Variants in POLE4 observed in about 807,000 individuals in gnomAD.
The protein encoded by POLE4 is DNA polymerase epsilon subunit 4.
POLE4 carries 15 observed loss-of-function variants against 15.6 expected under a neutral mutation model. The observed-to-expected ratio is 0.96, with a 90% CI of 0.64 to 1.48. The LOEUF (loss-of-function observed/expected upper bound fraction) is 1.48. Among genes scored for constraint, POLE4 ranks in the 40% most tolerant of loss-of-function variants. The pLI is 0.00. For synonymous variants in POLE4, 83 were observed against 63.2 expected (o/e 1.31, Z -1.49); for missense variants, 205 against 151.9 (o/e 1.35, Z -1.84).
chr2:74,959,701 C>T (rs1359122194), intron 2 of POLE4: 3 of 421,530 alleles, frequency 7.1e-6, no homozygotes, highest in Non-Finnish European at 1.3e-5. Context: ...TTCTTTTTCA[C>T]CTAGCAACTG....
chr2:74,959,258 T>G, intron 1 of POLE4, 83 bp from the exon 2 acceptor site: 1 of 829,846 alleles, frequency 1.2e-6, no homozygotes, highest in Admixed American at 2.2e-5. Flanking sequence ...CTTCTCCCTT[T>G]CTGCCCCCAC....
In POLE4 at chr2:74,965,027, CT is replaced by C. The variant is rs890484470; in HGVS notation, c.341-4373del. Among the ~76,000 whole-genome samples the C allele has an allele frequency of 1.4e-3, 200 of 147,358 alleles. 1 individual carries two copies. The highest frequency in any genetic ancestry group is 4.7e-3 in the African/African-American group (188 of 40,168). ...ATCCCTGTTTATAAAAGAGATTAGTCTTTTTTTTTCATACTGTGTGTGAGCT... is the reference window on the plus strand; with the variant it reads ...ATCCCTGTTTATAAAAGAGATTAGTCTTTTTTTTCATACTGTGTGTGAGCT... On this transcript the variant is annotated intron_variant, in intron 3 of 3. Coordinates refer to ENST00000483063, the MANE Select transcript of POLE4 (RefSeq NM_019896.4).
At position 74,965,894 on chromosome 2, in the gene POLE4, C is replaced by T. The variant is rs577817883; in HGVS notation, c.341-3515C>T. The stretch of plus-strand genomic sequence containing the variant: ...TTTTATCTTTCCATATATTTGTGAA[C>T]AGAATTTAACTGGATTATTTTCCTA... On this transcript the variant is annotated intron_variant, in intron 3 of 3. Coordinates refer to ENST00000483063, the MANE Select transcript of POLE4 (RefSeq NM_019896.4). Among the ~76,000 whole-genome samples, 14 of 152,200 alleles carry T rather than the reference C, an allele frequency of 9.2e-5. No homozygotes were observed. The South Asian group carries it at 1.9e-3, about 20-fold the overall frequency.
chr2:74,960,356 A>G lies in POLE4; in HGVS notation c.340+210A>G, dbSNP rs112136537. 2.3e-3 allele frequency: 1,350 copies of G among 589,668 alleles called. 20 individuals are homozygous for G. Among genetic ancestry groups the G allele is most frequent in the African/African-American group, 0.023 (1,216 of 53,732 alleles). The allele number at this position is 589,668 out of a possible 1,614,324, so 36.5% of individuals were successfully genotyped here. A position where few individuals can be genotyped will look rare whatever the true frequency, so the allele number is the denominator to read the frequency against. On this transcript the variant is annotated intron_variant, in intron 3 of 3. Coordinates refer to ENST00000483063, the MANE Select transcript of POLE4 (RefSeq NM_019896.4). ...TAAAATTTCTACCTGAAAATTGCTA[A>G]CCATAAAGAAATAGGAGGGAATATA...
chr2:74,963,275 A>G (rs1433525821), intron 3 of POLE4, among the ~76,000 whole-genome samples: 1 of 152,006 alleles, frequency 6.6e-6, no homozygotes, highest in African/African-American at 2.4e-5. Context: ...TCTCATTCTT[A>G]CCCACACTTG....
chr2:74,958,969 G>C, intron 1 of POLE4, 77 bp downstream of exon 1: 1 of 1,364,860 alleles, frequency 7.3e-7, no homozygotes, highest in Non-Finnish European at 1.0e-6. Flanking sequence ...TCCCGCGGGC[G>C]GGGCTTAGGG....
intron 3 of POLE4, among the ~76,000 whole-genome samples, chr2:74,963,408 A>AT (rs887637257): frequency 9.4e-5 from 14 of 149,504 alleles, no homozygotes; most frequent in African/African-American, 2.0e-4. Context: ...ATACATGCCC[A>AT]TTTTTTTTTG....
In POLE4 at chr2:74,970,019, A is replaced by T. The variant is rs940485916; in HGVS notation, c.*597A>T. 5.3e-5 allele frequency: 8 copies of T among 152,326 alleles called. No individual in the cohort carries two copies. The highest frequency in any genetic ancestry group is 1.9e-4 in the African/African-American group (8 of 41,446). 9.4% of individuals were successfully genotyped at this position (152,326 alleles called of 1,614,324 possible). On this transcript the variant is annotated 3_prime_UTR_variant, in exon 4 of 4. Transcript: ENST00000483063. ...TATCCACATACTCTATATTTCACCA[A>T]TTTAAAGTGTACAATTCAGTGGTAT...
At chr2:74,965,731 T>C (rs1671285542) in intron 3 of POLE4, among the ~76,000 whole-genome samples, 1 of 152,240 alleles carries the variant, frequency 6.6e-6, no homozygotes. Flanking sequence ...ATTGAGCCTT[T>C]TATATTTGTA....
intron 2 of POLE4, 90 bp from the exon 3 acceptor site, chr2:74,960,015 C>A: frequency 9.4e-7 from 1 of 1,067,806 alleles, no homozygotes; most frequent in Non-Finnish European, 1.4e-6. Context: ...TTGCCCAAAG[C>A]CTCATGCCCT....
intron 3 of POLE4, chr2:74,960,631 A>G (rs1338578396): frequency 4.2e-6 from 2 of 476,454 alleles, no homozygotes; most frequent in East Asian, 1.2e-4. Context: ...TTTTGTCATT[A>G]AAAAAGAAAA....
At chr2:74,960,447 T>C in intron 3 of POLE4, 1 of 472,068 alleles carries the variant, frequency 2.1e-6, no homozygotes. Context: ...TCCCTAAATG[T>C]CAGGCTTGCC....
intron 3 of POLE4, among the ~76,000 whole-genome samples, chr2:74,962,434 TG>T (rs1288728980): frequency 3.9e-5 from 6 of 152,334 alleles, no homozygotes; most frequent in African/African-American, 1.4e-4. Context: ...TATCTCTGGT[TG>T]ATTGTAGAAG....
intron 1 of POLE4, 147 bp downstream of exon 1, chr2:74,959,039 G>A (rs1671172514): frequency 2.8e-6 from 2 of 716,374 alleles, no homozygotes; most frequent in African/African-American, 1.8e-5. Flanking sequence ...AAAGGGGCCG[G>A]GGACCTGTGC....
At chr2:74,963,779 T>C (rs1671259246) in intron 3 of POLE4, among the ~76,000 whole-genome samples, 1 of 152,180 alleles carries the variant, frequency 6.6e-6, no homozygotes, top group African/African-American at 2.4e-5. Flanking sequence ...TGTGAGCCAC[T>C]GCGCCCAGCC....
At chr2:74,961,279 T>TA (rs1671217612) in intron 3 of POLE4, 1 of 152,240 alleles carries the variant, frequency 6.6e-6, no homozygotes, top group African/African-American at 2.4e-5. Context: ...CCTAGGCCCC[T>TA]GGTCCTTTTG....
chr2:74,963,914 A>C (rs940590955), intron 3 of POLE4, among the ~76,000 whole-genome samples: 3 of 149,592 alleles, frequency 2.0e-5, no homozygotes, highest in Admixed American at 2.0e-4. Flanking sequence ...AAATGTATCA[A>C]TTTTTTTCCT....
chr2:74,960,645 T>C, intron 3 of POLE4: 1 of 465,036 alleles, frequency 2.2e-6, no homozygotes, highest in Non-Finnish European at 4.3e-6. Flanking sequence ...AAGAAAATAT[T>C]TGAAATACCT....
intron 1 of POLE4, 102 bp downstream of exon 1, chr2:74,958,994 T>C (rs1470007890): frequency 1.8e-6 from 2 of 1,092,698 alleles, no homozygotes; most frequent in African/African-American, 3.2e-5. Flanking sequence ...GTGGCCCGGG[T>C]TTTGAGATGT....
Sources: gnomAD v4.1 joint callset for allele counts (sites outside exome capture counted in the v4.1 genomes callset) on GRCh38, gnomAD v4.1.1 for gene constraint, MANE v1.5 for transcripts, NCBI Gene and HGNC (gene_info 2026-07-23, HGNC 2026-07-21) for gene names.